The following ZNF780A variants were observed in gnomAD, a reference collection of about 807,000 sequenced individuals.
ZNF780A encodes zinc finger protein 780A.
Under a neutral mutation model 56.7 loss-of-function variants are expected in ZNF780A, and 40 were observed. The observed-to-expected ratio is 0.71, with a 90% CI of 0.55 to 0.92. The LOEUF (loss-of-function observed/expected upper bound fraction) is 0.92. Ranked by LOEUF, ZNF780A falls within the 40% of genes least tolerant of loss-of-function variation. The pLI is 0.00. For missense variants in ZNF780A, 672 were observed against 783.3 expected (o/e 0.86, Z 1.70); for synonymous variants, 231 against 248.3 (o/e 0.93, Z 0.66).
Position 40,074,420 on chromosome 19 carries a change from C to G in ZNF780A, c.*96G>C, listed in dbSNP as rs1478244324. ...TGAACCACAAATGAAGCCTTTCCCACACCCCTTACATTCACATGGTTTTAC... is the reference window on the plus strand; with the variant it reads ...TGAACCACAAATGAAGCCTTTCCCAGACCCCTTACATTCACATGGTTTTAC... On this transcript the variant is annotated 3_prime_UTR_variant, in exon 6 of 6. Transcript: ENST00000683561. 2.6e-6 allele frequency: 4 copies of G among 1,561,248 alleles called. No individual in the cohort carries two copies. In the African/African-American group the frequency reaches 5.5e-5, roughly 21 times the overall value.
At position 40,074,554 on chromosome 19, in the gene ZNF780A, G is replaced by C; in HGVS notation, c.1888C>G (p.Arg630Gly). 6.2e-7 allele frequency: 1 copy of C among 1,613,882 alleles called. No individual in the cohort carries two copies. Among genetic ancestry groups the C allele is most frequent in the Non-Finnish European group, 8.5e-7 (1 of 1,179,920 alleles). ...TCACCTGTGTGAATGTTCTTATGGC[G>C]ATTAAGCTGGGTGGGAAGACTAAAA... ...KVFSLPTQLN[R>G]HKNIHTGEKA... is the part of the protein sequence containing the mutation. Residue 630 changes from arginine to glycine, a missense_variant, in exon 6 of 6, where the codon CGC (arginine) becomes GGC (glycine). By Grantham distance (125) the Arg-to-Gly change is moderately radical. Transcript: ENST00000683561.
At chr19:40,087,431 C>T (rs1246992251) in intron 2 of ZNF780A, among the ~76,000 whole-genome samples, 1 of 152,190 alleles carries the variant, frequency 6.6e-6, no homozygotes, top group Non-Finnish European at 1.5e-5. Context: ...AACCAATGTT[C>T]TATCTAGATC....
chr19:40,085,435 G>T, intron 2 of ZNF780A: 1 of 646,172 alleles, frequency 1.5e-6, no homozygotes, highest in Non-Finnish European at 1.9e-6. Context: ...TACAAAACAG[G>T]ATAGATAATA....
At chr19:40,069,237 A>C (rs1973738626), downstream of ZNF780A, 1 of 156,668 alleles carries the variant, frequency 6.4e-6, no homozygotes, top group South Asian at 2.0e-4. Flanking sequence ...TAAGGGTCTC[A>C]GGCTGCTTCC....
chr19:40,082,621 G>C (rs1270056022), intron 4 of ZNF780A, among the ~76,000 whole-genome samples: 1 of 152,020 alleles, frequency 6.6e-6, no homozygotes, highest in African/African-American at 2.4e-5. Context: ...ACAGGGTCTC[G>C]GTCTATTGCC....
chr19:40,071,190 A>G (rs1316154016), downstream of ZNF780A: 1 of 152,206 alleles, frequency 6.6e-6, no homozygotes, highest in Non-Finnish European at 1.5e-5. Flanking sequence ...AATATAAATT[A>G]TCATTTTATA....
In ZNF780A at chr19:40,083,531, T is replaced by A. The variant is rs1014973387; in HGVS notation, c.10-294A>T. Among the ~76,000 whole-genome samples, 34 of 152,050 alleles carry A rather than the reference T, an allele frequency of 2.2e-4. 1 individual carries two copies. The highest frequency in any genetic ancestry group is 8.0e-4 in the African/African-American group (33 of 41,492). On this transcript the variant is annotated intron_variant, in intron 3 of 5. Transcript: ENST00000683561. ...ATTAAATAAGTAACTGTGTGTGGTA[T>A]CACGTACCTGTAGTCCCAGCTACTC...
chr19:40,084,658 T>C, intron 3 of ZNF780A, 87 bp downstream of exon 3: 2 of 1,368,796 alleles, frequency 1.5e-6, no homozygotes, highest in South Asian at 2.7e-5. Flanking sequence ...TCGTGAATTC[T>C]AGGTACGAAG....
chr19:40,081,930 G>A lies in ZNF780A; in HGVS notation c.137-16C>T, dbSNP rs755308124. The A allele has an allele frequency of 8.9e-6, 14 of 1,570,568 alleles. No individual in the cohort carries two copies. Among genetic ancestry groups the A allele is most frequent in the Admixed American group, 3.9e-5 (2 of 51,822 alleles). ...ATGGAACTTCCTGCTTAAAAGAAAC[G>A]ACACATGTAGAATTTTTTTAATACA... On this transcript the variant is annotated splice_polypyrimidine_tract_variant and intron_variant, in intron 4 of 5. Transcript: ENST00000683561.
At chr19:40,081,957 AT>A (rs34297473) in intron 4 of ZNF780A, 43 bp from the exon 5 acceptor site, 37,225 of 1,223,382 alleles carry the variant, frequency 0.03, 170 homozygotes, top group Non-Finnish European at 0.034. Flanking sequence ...TTTAATACAG[AT>A]TTTTTTTTTT....
At chr19:40,087,537 T>C (rs1382096530) in intron 2 of ZNF780A, among the ~76,000 whole-genome samples, 2 of 152,220 alleles carry the variant, frequency 1.3e-5, no homozygotes, top group Non-Finnish European at 2.9e-5. Context: ...TATAAATTTC[T>C]ATAATACTTC....
chr19:40,083,630 C>A (rs1229589575), intron 3 of ZNF780A, among the ~76,000 whole-genome samples: 1 of 147,758 alleles, frequency 6.8e-6, no homozygotes, highest in Non-Finnish European at 1.5e-5. Flanking sequence ...CGCCACTGCA[C>A]TCCAGCCTGG....
chr19:40,072,794 C>T (rs901590610), downstream of ZNF780A: 71 of 1,448,298 alleles, frequency 4.9e-5, no homozygotes, highest in East Asian at 1.6e-3. Context: ...GGGCTTAAGC[C>T]TCTGTAGCTT....
chr19:40,069,979 G>A (rs1377103863), downstream of ZNF780A: 1 of 152,120 alleles, frequency 6.6e-6, no homozygotes. Context: ...CAGGTAAAAG[G>A]AGGGCCAAAT....
At position 40,075,746 on chromosome 19, in the gene ZNF780A, A is replaced by G. The variant is rs775384714; in HGVS notation, c.696T>C (p.Leu232=). Residue 232 remains leucine, a synonymous_variant, in exon 6 of 6, where the codon CTT becomes CTC. Transcript: ENST00000683561. ...ECNECGKAFS[L]LTLLNRHKNI... is the part of the protein sequence containing the mutation. ...TCTTATGGCGATTAAGCAGGGTAAG[A>G]AGACTAAAGGCCTTTCCACATTCGT... 6.2e-7 allele frequency: 1 copy of G among 1,614,146 alleles called. No homozygotes were observed. The highest frequency in any genetic ancestry group is 1.1e-5 in the South Asian group (1 of 91,072).
At chr19:40,089,422 G>A (rs1975009522) in intron 2 of ZNF780A, 5 of 724,016 alleles carry the variant, frequency 6.9e-6, no homozygotes, top group Non-Finnish European at 1.0e-5. Context: ...GTTCTGTAGA[G>A]AGTCAAGGGG....
At position 40,074,548 on chromosome 19, in the gene ZNF780A, T is replaced by C; in HGVS notation, c.1894A>G (p.Lys632Glu). The change falls in exon 6 of 6, where the codon AAG becomes GAG. Residue 632 changes from lysine (K) to glutamate (E), a missense_variant. Coordinates refer to ENST00000683561, the MANE Select transcript of ZNF780A (RefSeq NM_001142578.2). Reference sequence around the variant, plus strand: ...GCCTTCTCACCTGTGTGAATGTTCTTATGGCGATTAAGCTGGGTGGGAAGA... The same window carrying C: ...GCCTTCTCACCTGTGTGAATGTTCTCATGGCGATTAAGCTGGGTGGGAAGA... ...FSLPTQLNRH[K>E]NIHTGEKAS 6.2e-7 allele frequency: 1 copy of C among 1,613,872 alleles called. No individual in the cohort carries two copies. Among genetic ancestry groups the C allele is most frequent in the South Asian group, 1.1e-5 (1 of 91,052 alleles).
At chr19:40,086,334 A>T (rs1974793964) in intron 2 of ZNF780A, among the ~76,000 whole-genome samples, 1 of 152,220 alleles carries the variant, frequency 6.6e-6, no homozygotes, top group Admixed American at 6.5e-5. Flanking sequence ...GAAGTAAAAA[A>T]TAAAAACAGA....
chr19:40,082,011 C>A, intron 4 of ZNF780A, 97 bp from the exon 5 acceptor site: 1 of 796,592 alleles, frequency 1.3e-6, no homozygotes, highest in East Asian at 2.9e-5. Context: ...AATTACAAGT[C>A]AAAACAATAT....
Sources: allele counts gnomAD v4.1 joint callset (sites outside exome capture counted in the v4.1 genomes callset), GRCh38; gene constraint gnomAD v4.1.1; transcripts MANE v1.5; gene names NCBI Gene and HGNC (gene_info 2026-07-23, HGNC 2026-07-21).